The following EVC variants were observed in gnomAD, a reference collection of about 807,000 sequenced individuals.
EVC encodes EvC ciliary complex subunit 1.
Under a neutral mutation model 118.9 loss-of-function variants are expected in EVC, and 116 were observed. The observed-to-expected ratio is 0.98, with a 90% CI of 0.84 to 1.14. The LOEUF is 1.14. Among genes scored for constraint, EVC ranks in the 50% most tolerant of loss-of-function variants. The pLI, the probability that EVC is intolerant of heterozygous loss-of-function variation, is 0.00. For missense variants in EVC, 1,401 were observed against 1,246.4 expected (o/e 1.12, Z -1.87); for synonymous variants, 619 against 534.7 (o/e 1.16, Z -2.18).
rs1477170990 is a variant in EVC, at chr4:5,814,042, CG to C, written c.*3009del. 6.6e-6 allele frequency: 1 copy of C among 152,254 alleles called. No individual in the cohort carries two copies. The highest frequency in any genetic ancestry group is 1.5e-5 in the Non-Finnish European group (1 of 68,066). The allele number at this position is 152,254 out of a possible 1,614,324, so 9.4% of individuals were successfully genotyped here. ...TAGCCAGTGTACCTGGGCACAGACTCGGGGCTGCCCTGAAGCTGATGAAGGC... is the reference window on the plus strand; with the variant it reads ...TAGCCAGTGTACCTGGGCACAGACTCGGGCTGCCCTGAAGCTGATGAAGGC... On this transcript the variant is annotated 3_prime_UTR_variant, in exon 21 of 21. Coordinates refer to ENST00000264956, the MANE Select transcript of EVC (RefSeq NM_153717.3).
Position 5,742,506 on chromosome 4 carries a change from C to G in EVC, c.801+692C>G, listed in dbSNP as rs1560317455. 1.3e-5 allele frequency among the ~76,000 whole-genome samples: 2 copies of G among 152,062 alleles called. No homozygotes were observed. Among genetic ancestry groups the G allele is most frequent in the Non-Finnish European group, 2.9e-5 (2 of 68,012 alleles). ...ATCACAGTTCTCTTCTTCATCATGT[C>G]ATTGTTGTCATCACCATAAACACCA... is the stretch of plus-strand genomic sequence containing the variant. On this transcript the variant is annotated intron_variant, in intron 6 of 20. Transcript: ENST00000264956. This position sits in a 1 kb window ranked among gnomAD's most constrained non-coding sequence, Gnocchi z 5.2.
At chr4:5,807,804 TG>T (rs1358453299) in intron 17 of EVC, among the ~76,000 whole-genome samples, 2 of 152,212 alleles carry the variant, frequency 1.3e-5, no homozygotes, top group Non-Finnish European at 2.9e-5. Context: ...TGCTCCTCCC[TG>T]GGGAAAAGAT....
chr4:5,745,950 G>A (rs1311807252), intron 7 of EVC, among the ~76,000 whole-genome samples: 2 of 152,174 alleles, frequency 1.3e-5, no homozygotes, highest in African/African-American at 4.8e-5. Context: ...CACAGGAGAA[G>A]GCCCGAGGCA....
chr4:5,789,399 C>T lies in EVC; in HGVS notation c.1777-4209C>T, dbSNP rs1712335600. ...TGCTCCTGGTCTTTGCTCCATGTCA[C>T]CTTCACAGCAAGGCCTACTCTGACC... On this transcript the variant is annotated intron_variant, in intron 12 of 20. Coordinates refer to ENST00000264956, the MANE Select transcript of EVC (RefSeq NM_153717.3). This position sits in a 1 kb window ranked among gnomAD's most constrained non-coding sequence, Gnocchi z 4.3. 6.6e-6 allele frequency among the ~76,000 whole-genome samples: 1 copy of T among 152,162 alleles called. No individual in the cohort carries two copies. Among genetic ancestry groups the T allele is most frequent in the Admixed American group, 6.5e-5 (1 of 15,274 alleles).
intron 11 of EVC, among the ~76,000 whole-genome samples, chr4:5,767,618 G>A (rs888745936): frequency 2.0e-5 from 3 of 151,782 alleles, no homozygotes; most frequent in African/African-American, 7.3e-5. Flanking sequence ...CGTTTTTTAA[G>A]CCCGTCGGAA....
At chr4:5,717,730 C>A (rs1453868054) in intron 1 of EVC, among the ~76,000 whole-genome samples, 2 of 152,260 alleles carry the variant, frequency 1.3e-5, no homozygotes, top group South Asian at 2.1e-4. Context: ...CCTGAGATAT[C>A]TCAATGGCTC....
chr4:5,767,232 C>T (rs1405119167), intron 11 of EVC, among the ~76,000 whole-genome samples: 1 of 152,036 alleles, frequency 6.6e-6, no homozygotes, highest in Admixed American at 6.5e-5. Flanking sequence ...GTTCAGGGAC[C>T]CACTTGAGGA....
chr4:5,740,190 C>T (rs1728302072), intron 5 of EVC, among the ~76,000 whole-genome samples: 1 of 151,584 alleles, frequency 6.6e-6, no homozygotes, highest in African/African-American at 2.4e-5. Flanking sequence ...AAAAATATTG[C>T]CAGGCATGGT....
chr4:5,736,442 A>G (rs1014464750), intron 5 of EVC, among the ~76,000 whole-genome samples: 1 of 151,868 alleles, frequency 6.6e-6, no homozygotes, highest in African/African-American at 2.4e-5. Context: ...AGGAGCACAC[A>G]GCACTTTGTG....
chr4:5,802,582 AG>A (rs35873779), intron 16 of EVC, among the ~76,000 whole-genome samples: 46,132 of 152,080 alleles, frequency 0.3, 7,802 homozygotes, highest in South Asian at 0.55. Context: ...GGGAGCCCTG[AG>A]CTTGTTTACC....
Position 5,763,674 on chromosome 4 carries a change from G to A in EVC, c.1563+7312G>A, listed in dbSNP as rs961884060. ...TTCTCTTTGAAGCAATTGTGAATGG[G>A]AGTTCACTCATGATTTGGCTCTCTG... On this transcript the variant is annotated intron_variant, in intron 11 of 20. Transcript: ENST00000264956. Among the ~76,000 whole-genome samples the A allele has an allele frequency of 8.8e-5, 10 of 113,528 alleles. 1 individual carries two copies. The highest frequency in any genetic ancestry group is 3.4e-4 in the African/African-American group (10 of 29,422). 74.5% of individuals were successfully genotyped at this position (113,528 alleles called of 152,430 possible).
intron 1 of EVC, among the ~76,000 whole-genome samples, chr4:5,715,699 AATAAT>A (rs1435085714): frequency 6.6e-6 from 1 of 151,416 alleles, no homozygotes; most frequent in Non-Finnish European, 1.5e-5. Flanking sequence ...TTAGATTGGG[AATAAT>A]TTTCCTCCAG....
chr4:5,714,543 C>T (rs1723633062), intron 1 of EVC, among the ~76,000 whole-genome samples: 1 of 148,432 alleles, frequency 6.7e-6, no homozygotes, highest in South Asian at 2.1e-4. Context: ...TGACCCTCCA[C>T]TGTGGAAAGG....
In EVC at chr4:5,812,654, C is replaced by T. The variant is rs1717106767; in HGVS notation, c.*1617C>T. ...CCGTTCCCACCTGGAGGGAAAATTG[C>T]TCCTTTGATGGAGGTTAGGGACTGT... On this transcript the variant is annotated 3_prime_UTR_variant, in exon 21 of 21. Transcript: ENST00000264956. 1.2e-5 allele frequency: 2 copies of T among 169,060 alleles called. No individual in the cohort carries two copies. Among genetic ancestry groups the T allele is most frequent in the South Asian group, 1.4e-4 (1 of 7,110 alleles). The allele number at this position is 169,060 out of a possible 1,614,324, so 10.5% of individuals were successfully genotyped here. A position where few individuals can be genotyped will look rare whatever the true frequency, so the allele number is the denominator to read the frequency against.
At chr4:5,817,906 A>T (rs1717949821), downstream of EVC, among the ~76,000 whole-genome samples, 1 of 152,170 alleles carries the variant, frequency 6.6e-6, no homozygotes, top group Non-Finnish European at 1.5e-5. Context: ...GATGAAGGAA[A>T]AGTATGTGCA....
intron 11 of EVC, among the ~76,000 whole-genome samples, chr4:5,766,532 C>T (rs1219047769): frequency 5.7e-5 from 7 of 123,190 alleles, no homozygotes; most frequent in Non-Finnish European, 1.2e-4. Flanking sequence ...CCATCACTTT[C>T]AGGTACACCA....
intron 8 of EVC, chr4:5,752,564 T>A: frequency 1.8e-6 from 1 of 551,166 alleles, no homozygotes; most frequent in Non-Finnish European, 3.3e-6. Context: ...CCTAGGAGGG[T>A]GGCCCTCTGG....
At chr4:5,818,547 T>C (rs927511519), downstream of EVC, among the ~76,000 whole-genome samples, 2 of 152,236 alleles carry the variant, frequency 1.3e-5, no homozygotes, top group Non-Finnish European at 2.9e-5. Flanking sequence ...TCTCCCTTCA[T>C]GAATGGATTA....
downstream of EVC, among the ~76,000 whole-genome samples, chr4:5,815,600 A>G (rs959966172): frequency 1.3e-5 from 2 of 152,118 alleles, no homozygotes; most frequent in Non-Finnish European, 2.9e-5. Context: ...CTCCCCAGAG[A>G]AGAATAAAAG....
Sources: gnomAD v4.1 joint callset for allele counts (sites outside exome capture counted in the v4.1 genomes callset) on GRCh38, gnomAD v4.1.1 for gene constraint, Gnocchi (gnomAD v3.1) non-coding constraint, MANE v1.5 for transcripts, NCBI Gene and HGNC (gene_info 2026-07-23, HGNC 2026-07-21) for gene names.